The following IRAK3 variants were observed in gnomAD, a reference collection of about 807,000 sequenced individuals.
IRAK3 encodes the protein interleukin-1 receptor-associated kinase 3.
IRAK3 carries 57 observed loss-of-function variants against 56.6 expected under a neutral mutation model. The ratio of observed to expected loss-of-function variants is 1.01; its 90% CI spans 0.81 to 1.26. IRAK3 has a LOEUF of 1.26. Ranked by LOEUF, IRAK3 falls within the 50% of genes most tolerant of loss-of-function variation. IRAK3 has a pLI of 0.00. For missense variants in IRAK3, 703 were observed against 719.0 expected, an observed-to-expected ratio of 0.98 and a Z score of 0.25; for synonymous variants, 258 against 255.7, an observed-to-expected ratio of 1.01 and a Z score of -0.09.
At chr12:66,191,645 G>A (rs984249739) in intron 1 of IRAK3, among the ~76,000 whole-genome samples, 7 of 152,188 alleles carry the variant, frequency 4.6e-5, no homozygotes, top group African/African-American at 1.7e-4. Context: ...AAGAAGGCAA[G>A]GCTAGCCCAG....
At chr12:66,203,646 A>G in intron 1 of IRAK3, 65 bp from the exon 2 acceptor site, 2 of 1,408,880 alleles carry the variant, frequency 1.4e-6, no homozygotes, top group Admixed American at 1.7e-5. Flanking sequence ...CATTAGGTAC[A>G]CAAAAACAAG....
intron 8 of IRAK3, among the ~76,000 whole-genome samples, chr12:66,239,297 G>A (rs554206032): frequency 2.6e-3 from 147 of 56,728 alleles, no homozygotes; most frequent in Admixed American, 6.8e-3. Context: ...CTTCAAAATG[G>A]ACTTTTTTTT....
chr12:66,209,080 A>T (rs1420070114), intron 2 of IRAK3, among the ~76,000 whole-genome samples: 1 of 151,700 alleles, frequency 6.6e-6, no homozygotes, highest in East Asian at 1.9e-4. Context: ...CAAAAAAAAA[A>T]AAAAAAAGGC....
chr12:66,197,248 A>G, intron 1 of IRAK3: 1 of 1,198,242 alleles, frequency 8.3e-7, no homozygotes, highest in Non-Finnish European at 1.0e-6. Flanking sequence ...TTTTAACTTT[A>G]TCAACATAAT....
Position 66,244,599 on chromosome 12 carries a change from G to A in IRAK3, c.1001G>A (p.Ser334Asn). 3 of 1,613,942 alleles carry A rather than the reference G, an allele frequency of 1.9e-6. No individual in the cohort carries two copies. The highest frequency in any genetic ancestry group is 1.1e-5 in the South Asian group (1 of 91,052). Residue 334 changes from serine to asparagine, a missense_variant, in exon 9 of 12, where the codon AGC (serine) becomes AAC (asparagine). Ser to Asn is a conservative substitution (Grantham distance 46). Transcript: ENST00000261233. ...QSCTINMTSS[S>N]SKHLWYMPEE... ...TGTACCATAAATATGACCAGCAGCAGCAGTAAACATCTGTGGTACATGCCA... is the reference window on the plus strand; with the variant it reads ...TGTACCATAAATATGACCAGCAGCAACAGTAAACATCTGTGGTACATGCCA...
chr12:66,254,007 T>C lies in IRAK3; in HGVS notation c.*5836T>C, dbSNP rs1260332662. The stretch of plus-strand genomic sequence containing the variant: ...AGCTAATAAAGATGTGTTATTTTAT[T>C]TTATTATTATTAATTTTGTCCTCCC... On this transcript the variant is annotated 3_prime_UTR_variant, in exon 12 of 12. Transcript: ENST00000261233. The C allele has an allele frequency of 6.6e-6, 1 of 152,208 alleles. No individual in the cohort carries two copies. Among genetic ancestry groups the C allele is most frequent in the Non-Finnish European group, 1.5e-5 (1 of 68,028 alleles). 9.4% of individuals were successfully genotyped at this position (152,208 alleles called of 1,614,324 possible). A position where few individuals can be genotyped will look rare whatever the true frequency, so the allele number is the denominator to read the frequency against.
intron 5 of IRAK3, among the ~76,000 whole-genome samples, chr12:66,215,823 C>CAA (rs2052669880): frequency 2.6e-5 from 4 of 151,602 alleles, no homozygotes; most frequent in Admixed American, 2.6e-4. Context: ...CACACACACA[C>CAA]ACACACTTAT....
Position 66,213,858 on chromosome 12 carries a change from C to T in IRAK3, c.588+2261C>T, listed in dbSNP as rs149317111. On this transcript the variant is annotated intron_variant, in intron 5 of 11. Coordinates refer to ENST00000261233, the MANE Select transcript of IRAK3 (RefSeq NM_007199.3). ...TCTGGCACCCAGAAGAGTATCTGGC[C>T]AGAGTAACCACTCAGTAAACAGTTC... Among the ~76,000 whole-genome samples the T allele has an allele frequency of 2.1e-3, 325 of 151,788 alleles. 2 individuals are homozygous for T. Among genetic ancestry groups the T allele is most frequent in the Non-Finnish European group, 4.1e-3 (278 of 67,996 alleles).
chr12:66,240,678 C>G (rs1228508843), intron 8 of IRAK3, among the ~76,000 whole-genome samples: 1 of 151,848 alleles, frequency 6.6e-6, no homozygotes, highest in African/African-American at 2.4e-5. Flanking sequence ...GCCGTTGGGT[C>G]CTCTTTATCT....
In IRAK3 at chr12:66,224,628, A is replaced by C. The variant is rs1026524289; in HGVS notation, c.654-2095A>C. ...CTCGAGGGAAGGGGAAAAAGCTAAT[A>C]ATTTTTGTGGACCTGGCTTTTGGCT... is the stretch of plus-strand genomic sequence containing the variant. On this transcript the variant is annotated intron_variant, in intron 6 of 11. Transcript: ENST00000261233. 4.6e-5 allele frequency among the ~76,000 whole-genome samples: 7 copies of C among 152,202 alleles called. No individual in the cohort carries two copies. In the East Asian group the frequency reaches 5.8e-4, roughly 13 times the overall value.
intron 6 of IRAK3, among the ~76,000 whole-genome samples, chr12:66,217,533 T>C (rs1261283985): frequency 7.2e-5 from 11 of 152,316 alleles, no homozygotes; most frequent in African/African-American, 2.4e-4. Context: ...GTGGTCTATA[T>C]TTCACCATTT....
intron 1 of IRAK3, among the ~76,000 whole-genome samples, chr12:66,202,623 A>T (rs972938447): frequency 2.7e-5 from 4 of 148,090 alleles, no homozygotes; most frequent in Admixed American, 1.4e-4. Flanking sequence ...ACCAAAAAAG[A>T]AAAAAAAAAC....
chr12:66,197,611 G>A, intron 1 of IRAK3: 6 of 985,400 alleles, frequency 6.1e-6, no homozygotes, highest in Non-Finnish European at 7.2e-6. Context: ...CATGCATGCA[G>A]GCAGTATTCA....
At chr12:66,211,346 CT>C in intron 4 of IRAK3, 99 bp from the exon 5 acceptor site, 1 of 862,120 alleles carries the variant, frequency 1.2e-6, no homozygotes. Flanking sequence ...CTCTACTAAC[CT>C]TCCACTGGAC....
intron 1 of IRAK3, among the ~76,000 whole-genome samples, chr12:66,198,551 A>C (rs2052476864): frequency 6.6e-6 from 1 of 152,192 alleles, no homozygotes. Context: ...AGTCCACAAA[A>C]GCATTTTCTC....
At chr12:66,223,568 AGAATGGCGT>A (rs2052756628) in intron 6 of IRAK3, among the ~76,000 whole-genome samples, 1 of 150,736 alleles carries the variant, frequency 6.6e-6, no homozygotes, top group Non-Finnish European at 1.5e-5. Flanking sequence ...CTGAGGCTAG[AGAATGGCGT>A]GAACCCAGGA....
At position 66,202,838 on chromosome 12, in the gene IRAK3, A is replaced by G. The variant is rs886129993; in HGVS notation, c.134-873A>G. 3.9e-5 allele frequency among the ~76,000 whole-genome samples: 6 copies of G among 152,030 alleles called. No homozygotes were observed. In the South Asian group the frequency reaches 6.2e-4, roughly 16 times the overall value. ...AAAATAAAAATAAAAGGAAAAAAAAAAAGAACACAAGAGCCAACCAACCTA... is the reference window on the plus strand; with the variant it reads ...AAAATAAAAATAAAAGGAAAAAAAAGAAGAACACAAGAGCCAACCAACCTA... On this transcript the variant is annotated intron_variant, in intron 1 of 11. Transcript: ENST00000261233.
chr12:66,194,774 A>G (rs2052434246), intron 1 of IRAK3, among the ~76,000 whole-genome samples: 1 of 150,288 alleles, frequency 6.7e-6, no homozygotes, highest in African/African-American at 2.5e-5. Flanking sequence ...GGTTGCAGTG[A>G]GCCGGGATCA....
intron 6 of IRAK3, among the ~76,000 whole-genome samples, chr12:66,225,385 G>C (rs1362473096): frequency 1.3e-5 from 2 of 151,360 alleles, no homozygotes; most frequent in African/African-American, 4.8e-5. Flanking sequence ...GTGTGTGTAT[G>C]TATACATACA....
Sources: allele counts gnomAD v4.1 joint callset (sites outside exome capture counted in the v4.1 genomes callset), GRCh38; gene constraint gnomAD v4.1.1; transcripts MANE v1.5; gene names NCBI Gene and HGNC (gene_info 2026-07-23, HGNC 2026-07-21).